The following SYNPR variants were observed in gnomAD, a reference collection of about 807,000 sequenced individuals.
SYNPR encodes synaptoporin.
Under a neutral mutation model 32.9 loss-of-function variants are expected in SYNPR, and 23 were observed. That is an observed-to-expected ratio of 0.70 (90% CI 0.50 to 0.99). The LOEUF is 0.99. Among genes scored for constraint, SYNPR ranks in the 50% least tolerant of loss-of-function variants. The pLI is 0.00. For missense variants in SYNPR, 318 were observed against 349.3 expected (o/e 0.91, Z 0.71); for synonymous variants, 146 against 135.9 (o/e 1.07, Z -0.52).
the SYNPR span, among the ~76,000 whole-genome samples, chr3:63,205,082 T>C: frequency 6.6e-6 from 1 of 152,178 alleles, no homozygotes; most frequent in Non-Finnish European, 1.5e-5. Flanking sequence ...CCCTACTTTA[T>C]ATATTTTGTA....
In SYNPR at chr3:63,456,006, T is replaced by C. The variant is rs145387026; in HGVS notation, c.85-24826T>C. The stretch of plus-strand genomic sequence containing the variant: ...CATGGCTGGGGAGGCCTCACAATCA[T>C]GGCAGAAGGCAAGGGGTAGCAAGTC... On this transcript the variant is annotated intron_variant, in intron 2 of 5. Coordinates refer to ENST00000478300, the MANE Select transcript of SYNPR (RefSeq NM_001130003.2). Among the ~76,000 whole-genome samples the C allele has an allele frequency of 4.9e-3, 750 of 152,168 alleles. 4 individuals are homozygous for C. The highest frequency in any genetic ancestry group is 0.017 in the African/African-American group (704 of 41,526).
chr3:63,568,384 T>C (rs1337855141), intron 4 of SYNPR, among the ~76,000 whole-genome samples: 1 of 152,150 alleles, frequency 6.6e-6, no homozygotes, highest in Non-Finnish European at 1.5e-5. Flanking sequence ...CAAGAATATC[T>C]ATTAGCTTAT....
intron 4 of SYNPR, among the ~76,000 whole-genome samples, chr3:63,565,343 G>C (rs1219929361): frequency 6.6e-6 from 1 of 152,116 alleles, no homozygotes; most frequent in Non-Finnish European, 1.5e-5. Context: ...CACAGTTCTG[G>C]AGGCTGGAAA....
intron 2 of SYNPR, among the ~76,000 whole-genome samples, chr3:63,278,952 G>T (rs373826206): frequency 2.6e-5 from 4 of 152,208 alleles, no homozygotes; most frequent in Non-Finnish European, 4.4e-5. Flanking sequence ...GAGTGTGGAC[G>T]CATTTTTGCA....
intron 2 of SYNPR, among the ~76,000 whole-genome samples, chr3:63,473,910 A>G (rs1236283080): frequency 1.3e-5 from 2 of 152,178 alleles, no homozygotes; most frequent in African/African-American, 4.8e-5. Context: ...AGTGCCTGCA[A>G]AGTAAAATGT....
At chr3:63,314,317 A>G (rs1450999128) in intron 2 of SYNPR, among the ~76,000 whole-genome samples, 1 of 151,406 alleles carries the variant, frequency 6.6e-6, no homozygotes, top group Non-Finnish European at 1.5e-5. Context: ...TGGCTTTACT[A>G]GTTTACATTC....
chr3:63,236,320 C>T (rs143903467), intron 1 of SYNPR, among the ~76,000 whole-genome samples: 1 of 152,040 alleles, frequency 6.6e-6, no homozygotes, highest in East Asian at 1.9e-4. Context: ...ATTCCTCCCA[C>T]TATATTTTTT....
the SYNPR span, among the ~76,000 whole-genome samples, chr3:63,202,375 C>T: frequency 6.6e-6 from 1 of 152,130 alleles, no homozygotes; most frequent in Non-Finnish European, 1.5e-5. Flanking sequence ...ACCCTGCTTG[C>T]AGAATTGCTT....
intron 2 of SYNPR, among the ~76,000 whole-genome samples, chr3:63,320,114 T>A (rs577592642): frequency 6.6e-6 from 1 of 152,072 alleles, no homozygotes; most frequent in South Asian, 2.1e-4. Flanking sequence ...CATACCTGGC[T>A]AATTTTTTCT....
At chr3:63,513,273 A>G (rs1007344363) in intron 3 of SYNPR, among the ~76,000 whole-genome samples, 14 of 151,642 alleles carry the variant, frequency 9.2e-5, no homozygotes, top group African/African-American at 2.9e-4. Flanking sequence ...CTGGTCTTGA[A>G]CTAGGCTGAG....
chr3:63,436,768 C>A (rs1184326121), intron 2 of SYNPR, among the ~76,000 whole-genome samples: 2 of 152,156 alleles, frequency 1.3e-5, no homozygotes, highest in Non-Finnish European at 2.9e-5. Flanking sequence ...TTCAACAAAT[C>A]TTTATTTGCC....
chr3:63,495,432 A>G (rs757530799), intron 3 of SYNPR, among the ~76,000 whole-genome samples: 2 of 152,198 alleles, frequency 1.3e-5, no homozygotes, highest in Non-Finnish European at 2.9e-5. Context: ...ATGCTGTGAT[A>G]TAAGAAGTAA....
chr3:63,252,034 G>A (rs1240832896), intron 1 of SYNPR, among the ~76,000 whole-genome samples: 1 of 151,172 alleles, frequency 6.6e-6, no homozygotes, highest in African/African-American at 2.4e-5. Context: ...ATGGTATGGG[G>A]GTACCATGGA....
At chr3:63,441,697 G>C (rs1700179486) in intron 2 of SYNPR, among the ~76,000 whole-genome samples, 1 of 152,176 alleles carries the variant, frequency 6.6e-6, no homozygotes, top group Admixed American at 6.5e-5. Flanking sequence ...CAGGGGAGTG[G>C]GGAGGAAAAG....
chr3:63,604,520 C>T (rs946907041), intron 4 of SYNPR, among the ~76,000 whole-genome samples: 2 of 152,104 alleles, frequency 1.3e-5, no homozygotes, highest in African/African-American at 2.4e-5. Flanking sequence ...TTCGCTGTGT[C>T]CCAGAGATTC....
intron 2 of SYNPR, among the ~76,000 whole-genome samples, chr3:63,350,922 T>C (rs1677474803): frequency 6.6e-6 from 1 of 152,210 alleles, no homozygotes; most frequent in Non-Finnish European, 1.5e-5. Flanking sequence ...TGGTTACTTA[T>C]TCTAAATCCT....
chr3:63,497,221 G>T (rs1320198358), intron 3 of SYNPR, among the ~76,000 whole-genome samples: 1 of 152,076 alleles, frequency 6.6e-6, no homozygotes, highest in African/African-American at 2.4e-5. Context: ...CGAACATTTT[G>T]AAAATTTGTA....
At chr3:63,437,598 AAAG>A (rs1381309401) in intron 2 of SYNPR, among the ~76,000 whole-genome samples, 15 of 151,582 alleles carry the variant, frequency 9.9e-5, no homozygotes, top group Admixed American at 9.2e-4. Flanking sequence ...AGAGAGAAAG[AAAG>A]AAGAAAGGAA....
At chr3:63,482,523 C>T (rs1283902721) in intron 3 of SYNPR, among the ~76,000 whole-genome samples, 1 of 152,130 alleles carries the variant, frequency 6.6e-6, no homozygotes, top group African/African-American at 2.4e-5. Flanking sequence ...CACTCCCCAC[C>T]GTACAGCCCC....
Sources: gnomAD v4.1 joint callset for allele counts (sites outside exome capture counted in the v4.1 genomes callset) on GRCh38, gnomAD v4.1.1 for gene constraint, MANE v1.5 for transcripts, NCBI Gene and HGNC (gene_info 2026-07-23, HGNC 2026-07-21) for gene names.